PCSK6: variants seen among roughly 807,000 people sequenced by gnomAD.
PCSK6 encodes paired basic amino acid cleaving enzyme 4.
A neutral mutation model predicts 123.3 loss-of-function variants in PCSK6; 85 were observed. The ratio of observed to expected loss-of-function variants is 0.69; its 90% CI spans 0.58 to 0.83. The LOEUF (loss-of-function observed/expected upper bound fraction) is 0.83. Among genes scored for constraint, PCSK6 ranks in the 40% least tolerant of loss-of-function variants. The probability of loss-of-function intolerance (pLI) is 0.00; values close to 1 mark genes in which losing one functional copy is unlikely to be tolerated. For missense variants in PCSK6, 1,191 were observed against 1,282.3 expected, an observed-to-expected ratio of 0.93 and a Z score of 1.09; for synonymous variants, 508 against 516.0, an observed-to-expected ratio of 0.98 and a Z score of 0.21.
chr15:101,409,557 C>T (rs2042881496), intron 6 of PCSK6, among the ~76,000 whole-genome samples: 1 of 142,160 alleles, frequency 7.0e-6, no homozygotes, highest in Non-Finnish European at 1.5e-5. Flanking sequence ...TGCACTCCAG[C>T]CTGGGCGACA....
chr15:101,398,706 T>C lies in PCSK6; in HGVS notation c.824-130A>G. The stretch of plus-strand genomic sequence containing the variant: ...CCTCCCCAGCAGGGGCTGTTCCCAG[T>C]CATTCTGCAAAACTGGCTCCTCTTC... On this transcript the variant is annotated intron_variant, in intron 6 of 21. Coordinates refer to ENST00000611716, the MANE Select transcript of PCSK6 (RefSeq NM_002570.5). The surrounding 1 kb of genome is among the most constrained non-coding windows in gnomAD (Gnocchi z 4.6). 2 of 1,002,330 alleles carry C rather than the reference T, an allele frequency of 2.0e-6. No homozygotes were observed. The highest frequency in any genetic ancestry group is 2.8e-6 in the Non-Finnish European group (2 of 706,308). 62.1% of individuals were successfully genotyped at this position (1,002,330 alleles called of 1,614,324 possible). A position where few individuals can be genotyped will look rare whatever the true frequency, so the allele number is the denominator to read the frequency against.
intron 8 of PCSK6, among the ~76,000 whole-genome samples, chr15:101,391,023 T>C (rs1435098029): frequency 6.6e-6 from 1 of 152,138 alleles, no homozygotes; most frequent in Non-Finnish European, 1.5e-5. Flanking sequence ...TTGCACACGT[T>C]TGAGCTGGGC....
intron 1 of PCSK6, among the ~76,000 whole-genome samples, chr15:101,472,724 G>A (rs1439517678): frequency 6.6e-6 from 1 of 152,224 alleles, no homozygotes; most frequent in South Asian, 2.1e-4. Flanking sequence ...CTACCTCCAG[G>A]AAAGGAACCA....
intron 9 of PCSK6, among the ~76,000 whole-genome samples, chr15:101,385,937 T>C (rs1371343524): frequency 6.6e-6 from 1 of 152,232 alleles, no homozygotes. Context: ...CCTAGGACTT[T>C]CTATTCAATC....
intron 6 of PCSK6, among the ~76,000 whole-genome samples, chr15:101,410,879 CA>C (rs1196778664): frequency 5.3e-5 from 8 of 152,168 alleles, no homozygotes; most frequent in Non-Finnish European, 1.2e-4. Context: ...GTCCAGCGCA[CA>C]GAGGCACACT....
intron 13 of PCSK6, among the ~76,000 whole-genome samples, chr15:101,345,385 C>T (rs1445844844): frequency 6.6e-6 from 1 of 151,628 alleles, no homozygotes. Flanking sequence ...TTTAGAGACA[C>T]TAATATTTAG....
At chr15:101,418,045 A>G (rs1407962946) in intron 6 of PCSK6, among the ~76,000 whole-genome samples, 1 of 152,194 alleles carries the variant, frequency 6.6e-6, no homozygotes, top group Non-Finnish European at 1.5e-5. Flanking sequence ...TATAACTATA[A>G]ACATGGAGGA....
chr15:101,324,585 TG>T (rs993842390), intron 17 of PCSK6, among the ~76,000 whole-genome samples: 3 of 152,230 alleles, frequency 2.0e-5, no homozygotes, highest in African/African-American at 7.2e-5. Context: ...CTGTTGCAGG[TG>T]GGTGAAATTC....
chr15:101,460,678 C>T (rs1004753780), intron 1 of PCSK6, among the ~76,000 whole-genome samples: 1 of 152,194 alleles, frequency 6.6e-6, no homozygotes, highest in Non-Finnish European at 1.5e-5. Context: ...TGTCTAAGAA[C>T]TGATTTCCAA....
At chr15:101,373,864 A>T (rs749086226) in intron 11 of PCSK6, among the ~76,000 whole-genome samples, 1 of 152,248 alleles carries the variant, frequency 6.6e-6, no homozygotes, top group Non-Finnish European at 1.5e-5. Context: ...CTGTCACGTG[A>T]ATACACCTAC....
At chr15:101,434,730 G>A (rs2056546524) in intron 2 of PCSK6, among the ~76,000 whole-genome samples, 1 of 152,220 alleles carries the variant, frequency 6.6e-6, no homozygotes, top group Non-Finnish European at 1.5e-5. Flanking sequence ...ACAGATGACT[G>A]ACCAGGCGTG....
intron 13 of PCSK6, among the ~76,000 whole-genome samples, chr15:101,340,638 A>G (rs1269893760): frequency 6.6e-6 from 1 of 152,190 alleles, no homozygotes; most frequent in African/African-American, 2.4e-5. Context: ...TTACATTGCT[A>G]GACAAAAATA....
At chr15:101,486,308 G>T (rs2058020257) in intron 1 of PCSK6, among the ~76,000 whole-genome samples, 1 of 152,222 alleles carries the variant, frequency 6.6e-6, no homozygotes, top group East Asian at 1.9e-4. Flanking sequence ...CTCTATAAAA[G>T]TCTCACCTTT....
chr15:101,464,865 C>T (rs1209081509), intron 1 of PCSK6, among the ~76,000 whole-genome samples: 3 of 152,164 alleles, frequency 2.0e-5, no homozygotes, highest in Non-Finnish European at 4.4e-5. Context: ...CCCACAGCAC[C>T]AGGTTCCCAC....
intron 6 of PCSK6, among the ~76,000 whole-genome samples, chr15:101,403,818 C>G (rs993459807): frequency 1.3e-5 from 2 of 152,148 alleles, no homozygotes; most frequent in African/African-American, 4.8e-5. Flanking sequence ...CTCCCGGGTT[C>G]AAGTGATTCT....
At chr15:101,393,101 G>A (rs192980619) in intron 8 of PCSK6, 111 bp downstream of exon 8, 37 of 927,602 alleles carry the variant, frequency 4.0e-5, no homozygotes, top group South Asian at 2.5e-4. Flanking sequence ...CCTGGGATCC[G>A]GAACAATCTG....
At chr15:101,393,454 C>G in intron 7 of PCSK6, 30 bp from the exon 8 acceptor site, 1 of 1,578,032 alleles carries the variant, frequency 6.3e-7, no homozygotes, top group Non-Finnish European at 8.6e-7. Flanking sequence ...AAGGCTTAGC[C>G]CCGCAGCAGA....
intron 20 of PCSK6, among the ~76,000 whole-genome samples, chr15:101,309,928 G>A (rs1412144796): frequency 1.3e-5 from 2 of 152,098 alleles, no homozygotes; most frequent in African/African-American, 2.4e-5. Flanking sequence ...TCTCAGCGTC[G>A]GGCCTCGGCT....
At chr15:101,475,054 G>A (rs7183705) in intron 1 of PCSK6, among the ~76,000 whole-genome samples, 16,568 of 152,200 alleles carry the variant, frequency 0.11, 1,065 homozygotes, top group African/African-American at 0.19. Context: ...TCTGGCCCTA[G>A]CGCCACTGGT....
Sources: allele counts gnomAD v4.1 joint callset (sites outside exome capture counted in the v4.1 genomes callset), GRCh38; gene constraint gnomAD v4.1.1; non-coding constraint Gnocchi (gnomAD v3.1); transcripts MANE v1.5; gene names NCBI Gene and HGNC (gene_info 2026-07-23, HGNC 2026-07-21).